MAPK10: variants seen among roughly 807,000 people sequenced by gnomAD.
The protein encoded by MAPK10 is mitogen-activated protein kinase 10.
A neutral mutation model predicts 59.3 loss-of-function variants in MAPK10; 25 were observed. The observed-to-expected ratio is 0.42, with a 90% confidence interval of 0.31 to 0.59. The LOEUF (loss-of-function observed/expected upper bound fraction) is 0.59, where lower values mean the gene tolerates loss of function less well. MAPK10 is among the 20% of genes least tolerant of loss of function. The probability of loss-of-function intolerance (pLI) is 0.15; values close to 1 mark genes in which losing one functional copy is unlikely to be tolerated. For missense variants in MAPK10, 351 were observed against 568.9 expected (o/e 0.62, Z 3.90); for synonymous variants, 190 against 200.5 (o/e 0.95, Z 0.44).
chr4:86,044,162 C>T (rs925440792), intron 11 of MAPK10, among the ~76,000 whole-genome samples: 10 of 152,068 alleles, frequency 6.6e-5, no homozygotes, highest in Admixed American at 1.3e-4. Context: ...CTCAGAGGGG[C>T]GAGAATGTGC....
At chr4:86,111,727 A>C (rs1366045540) in intron 4 of MAPK10, among the ~76,000 whole-genome samples, 2 of 152,138 alleles carry the variant, frequency 1.3e-5, no homozygotes, top group Non-Finnish European at 2.9e-5. Flanking sequence ...TGGTATCAGG[A>C]TAATGCTGGC....
chr4:86,531,484 A>G (rs1225983281), intron 1 of MAPK10, among the ~76,000 whole-genome samples: 1 of 152,154 alleles, frequency 6.6e-6, no homozygotes, highest in Non-Finnish European at 1.5e-5. Context: ...AAGAATAAAG[A>G]ATCTCTTCCT....
chr4:86,209,820 C>CTACTTT (rs1214958270), intron 2 of MAPK10, among the ~76,000 whole-genome samples: 1 of 151,990 alleles, frequency 6.6e-6, no homozygotes, highest in Non-Finnish European at 1.5e-5. Context: ...GTAGCCAAAA[C>CTACTTT]TGTCCTAAGC....
chr4:86,267,446 A>G (rs1583769532), intron 2 of MAPK10, among the ~76,000 whole-genome samples: 1 of 152,184 alleles, frequency 6.6e-6, no homozygotes, highest in East Asian at 1.9e-4. Flanking sequence ...GTCTAGAAAT[A>G]CTACTTGCTT....
At chr4:86,328,775 C>G (rs1475898172) in intron 2 of MAPK10, among the ~76,000 whole-genome samples, 3 of 152,160 alleles carry the variant, frequency 2.0e-5, no homozygotes, top group Non-Finnish European at 2.9e-5. Context: ...ACCGCATATT[C>G]TCACTCATAA....
chr4:86,069,843 C>G (rs2047453271), intron 9 of MAPK10, among the ~76,000 whole-genome samples: 1 of 151,860 alleles, frequency 6.6e-6, no homozygotes, highest in African/African-American at 2.4e-5. Context: ...GTATTATATC[C>G]TAATTACATT....
At chr4:86,432,435 CAGCT>C (rs1748165891) in intron 1 of MAPK10, among the ~76,000 whole-genome samples, 1 of 152,114 alleles carries the variant, frequency 6.6e-6, no homozygotes, top group Non-Finnish European at 1.5e-5. Flanking sequence ...CCAGGACGCC[CAGCT>C]AATTTTATTT....
chr4:86,518,490 T>G (rs1208148139), intron 1 of MAPK10, among the ~76,000 whole-genome samples: 1 of 152,246 alleles, frequency 6.6e-6, no homozygotes, highest in Non-Finnish European at 1.5e-5. Context: ...TTCAATTTAT[T>G]TGGATCTTCT....
intron 2 of MAPK10, among the ~76,000 whole-genome samples, chr4:86,299,272 A>T (rs186958016): frequency 6.6e-6 from 1 of 152,364 alleles, no homozygotes; most frequent in Admixed American, 6.5e-5. Context: ...TTTTGGCAAC[A>T]TATATTTAAG....
intron 1 of MAPK10, among the ~76,000 whole-genome samples, chr4:86,508,914 G>A (rs760938359): frequency 6.6e-6 from 1 of 152,102 alleles, no homozygotes; most frequent in Non-Finnish European, 1.5e-5. Flanking sequence ...TTTTCCTCGT[G>A]CATGTTTTTA....
intron 2 of MAPK10, among the ~76,000 whole-genome samples, chr4:86,204,131 C>T (rs2083278889): frequency 1.3e-5 from 2 of 151,914 alleles, no homozygotes; most frequent in African/African-American, 2.4e-5. Context: ...GCCTAAGATA[C>T]TTATTAGTTG....
At chr4:86,558,324 T>C (rs770205337) in intron 1 of MAPK10, among the ~76,000 whole-genome samples, 98 of 152,298 alleles carry the variant, frequency 6.4e-4, no homozygotes, top group Admixed American at 6.5e-4. Context: ...TCAAATTCAG[T>C]GCTAAAGACG....
At chr4:86,178,474 A>G (rs1304691418) in intron 3 of MAPK10, among the ~76,000 whole-genome samples, 1 of 152,122 alleles carries the variant, frequency 6.6e-6, no homozygotes, top group African/African-American at 2.4e-5. Flanking sequence ...TAACCACATC[A>G]TGCTGTATCT....
Position 86,067,855 on chromosome 4 carries a change from C to T in MAPK10, c.903G>A (p.Arg301=). ...GGAAGGTGAGTCCCGCATACTTGGG[C>T]CGATTCTCCACATAGTTTCTTACTG... ...QPTVRNYVEN[R]PKYAGLTFPK... is the part of the protein sequence containing the mutation. The change falls in exon 10 of 14, where the codon CGG becomes CGA. Residue 301 remains arginine, a synonymous_variant. Transcript: ENST00000641462. 1.2e-6 allele frequency: 2 copies of T among 1,613,962 alleles called. No homozygotes were observed. Among genetic ancestry groups the T allele is most frequent in the South Asian group, 2.2e-5 (2 of 91,066 alleles).
chr4:86,458,850 G>T (rs915199496), intron 1 of MAPK10, among the ~76,000 whole-genome samples: 5 of 152,282 alleles, frequency 3.3e-5, no homozygotes, highest in East Asian at 1.9e-4. Context: ...CTAGACATTG[G>T]CTCAGGCAAA....
chr4:86,424,448 C>T (rs1180228902), intron 1 of MAPK10, among the ~76,000 whole-genome samples: 2 of 152,154 alleles, frequency 1.3e-5, no homozygotes, highest in Non-Finnish European at 2.9e-5. Context: ...CCTCGCCTCC[C>T]AAAGTGTTGG....
chr4:86,293,731 T>C (rs1247566148), intron 2 of MAPK10, among the ~76,000 whole-genome samples: 1 of 152,116 alleles, frequency 6.6e-6, no homozygotes, highest in Non-Finnish European at 1.5e-5. Context: ...GCGTTTCACA[T>C]GGCAGGAGTG....
intron 2 of MAPK10, among the ~76,000 whole-genome samples, chr4:86,334,050 G>T (rs7691626): frequency 0.73 from 111,646 of 151,934 alleles, 41,524 homozygotes; most frequent in South Asian, 0.9. Flanking sequence ...CCTATTTCTT[G>T]AACAATAAAC....
intron 9 of MAPK10, among the ~76,000 whole-genome samples, chr4:86,082,731 C>A (rs758576276): frequency 6.6e-6 from 1 of 152,106 alleles, no homozygotes; most frequent in African/African-American, 2.4e-5. Context: ...AGAAACCAAC[C>A]TTTGATCATT....
Sources: allele counts gnomAD v4.1 joint callset (sites outside exome capture counted in the v4.1 genomes callset), GRCh38; gene constraint gnomAD v4.1.1; transcripts MANE v1.5; gene names NCBI Gene and HGNC (gene_info 2026-07-23, HGNC 2026-07-21).